The following TANC2 variants were observed in gnomAD, a reference collection of about 807,000 sequenced individuals.
The protein encoded by TANC2 is protein TANC2.
Under a neutral mutation model 210.5 loss-of-function variants are expected in TANC2, and 26 were observed. That is an observed-to-expected ratio of 0.12 (90% confidence interval 0.09 to 0.17). TANC2 has a LOEUF of 0.17. TANC2 is among the 10% of genes least tolerant of loss of function. The pLI is 1.00. For synonymous variants in TANC2, 931 were observed against 967.1 expected (o/e 0.96, Z 0.69); for missense variants, 2,129 against 2,608.9 (o/e 0.82, Z 4.01).
At chr17:63,105,204 T>TA (rs2037780174) in intron 4 of TANC2, among the ~76,000 whole-genome samples, 1 of 151,650 alleles carries the variant, frequency 6.6e-6, no homozygotes, top group Admixed American at 6.6e-5. Context: ...ATCTCTGGGA[T>TA]AAAAAATGGC....
intron 11 of TANC2, among the ~76,000 whole-genome samples, chr17:63,333,282 C>T (rs2045920333): frequency 6.6e-6 from 1 of 152,134 alleles, no homozygotes; most frequent in African/African-American, 2.4e-5. Flanking sequence ...ATCTATGATT[C>T]ATAGGAGGTC....
chr17:63,170,431 A>G (rs553626668), intron 5 of TANC2, among the ~76,000 whole-genome samples: 3 of 149,436 alleles, frequency 2.0e-5, no homozygotes, highest in African/African-American at 7.4e-5. Context: ...GCGAGATTCC[A>G]TTTAAAAAAA....
At chr17:63,329,056 A>G (rs879314914) in intron 11 of TANC2, among the ~76,000 whole-genome samples, 2 of 152,208 alleles carry the variant, frequency 1.3e-5, no homozygotes, top group Admixed American at 1.3e-4. Flanking sequence ...TTCTTGGAGC[A>G]TACTGAATGC....
At position 63,170,352 on chromosome 17, in the gene TANC2, G is replaced by A. The variant is rs184879322; in HGVS notation, c.433+18972G>A. The stretch of plus-strand genomic sequence containing the variant: ...CGGGAGGCTCAGGCAGGAGAATGGC[G>A]TGAACCCGGGAGGCAGAGCTTGCAG... On this transcript the variant is annotated intron_variant, in intron 5 of 27. Coordinates refer to ENST00000689528, the Ensembl canonical transcript of TANC2. 2.5e-4 allele frequency among the ~76,000 whole-genome samples: 38 copies of A among 150,894 alleles called. 1 individual carries two copies. The East Asian group carries it at 4.1e-3, about 16-fold the overall frequency.
At chr17:63,117,451 T>C (rs1054144402) in intron 4 of TANC2, among the ~76,000 whole-genome samples, 1 of 152,216 alleles carries the variant, frequency 6.6e-6, no homozygotes, top group Non-Finnish European at 1.5e-5. Flanking sequence ...CTTGAAATCA[T>C]TAGTTGTTCA....
At chr17:63,405,377 G>C in intron 20 of TANC2, 122 bp downstream of exon 20, 1 of 1,125,736 alleles carries the variant, frequency 8.9e-7, no homozygotes, top group South Asian at 2.3e-5. Context: ...TCAGGTTTGA[G>C]GACTTGGACC....
chr17:63,126,830 A>C (rs1399580002), intron 4 of TANC2, among the ~76,000 whole-genome samples: 1 of 152,188 alleles, frequency 6.6e-6, no homozygotes, highest in Non-Finnish European at 1.5e-5. Context: ...CACATGAGTC[A>C]CGTTCCTTTT....
intron 15 of TANC2, among the ~76,000 whole-genome samples, chr17:63,382,218 C>T (rs1180834821): frequency 1.3e-5 from 2 of 152,196 alleles, no homozygotes; most frequent in Non-Finnish European, 1.5e-5. Flanking sequence ...AGCCTCAGTG[C>T]GGTTCTCAGT....
intron 1 of TANC2, among the ~76,000 whole-genome samples, chr17:62,992,008 A>C (rs2032895230): frequency 2.0e-5 from 3 of 152,230 alleles, no homozygotes; most frequent in Admixed American, 6.5e-5. Context: ...AAAAATAAGT[A>C]GATAAATAAT....
chr17:63,005,899 TG>T (rs1354943237), intron 1 of TANC2, among the ~76,000 whole-genome samples: 5 of 27,696 alleles, frequency 1.8e-4, no homozygotes, highest in Non-Finnish European at 3.6e-4. Context: ...GTATAGTTTG[TG>T]TGTGTGTGTG....
chr17:63,014,180 T>C (rs2034005575), intron 2 of TANC2, among the ~76,000 whole-genome samples: 1 of 152,190 alleles, frequency 6.6e-6, no homozygotes, highest in Admixed American at 6.5e-5. Context: ...ATTGAATTTT[T>C]CAATTCCAAA....
chr17:63,185,740 C>T (rs994445016), intron 5 of TANC2, among the ~76,000 whole-genome samples: 1 of 152,182 alleles, frequency 6.6e-6, no homozygotes, highest in Non-Finnish European at 1.5e-5. Flanking sequence ...TTTTGATTTG[C>T]ATTTCCCAAT....
intron 7 of TANC2, among the ~76,000 whole-genome samples, chr17:63,215,072 A>G (rs1244169053): frequency 2.0e-5 from 3 of 152,246 alleles, no homozygotes; most frequent in Non-Finnish European, 4.4e-5. Flanking sequence ...AGAACAAAAA[A>G]TGTCAAAATA....
intron 5 of TANC2, among the ~76,000 whole-genome samples, chr17:63,158,148 A>G (rs2039901473): frequency 6.6e-6 from 1 of 152,200 alleles, no homozygotes; most frequent in Non-Finnish European, 1.5e-5. Context: ...GCTTGGGAAC[A>G]GAGAAGCTTG....
At chr17:63,030,570 C>G (rs2034728426) in intron 2 of TANC2, among the ~76,000 whole-genome samples, 1 of 152,020 alleles carries the variant, frequency 6.6e-6, no homozygotes, top group Non-Finnish European at 1.5e-5. Flanking sequence ...ACTTTCCAGA[C>G]AGACACCCCA....
At chr17:63,361,180 C>T (rs1021903787) in intron 14 of TANC2, among the ~76,000 whole-genome samples, 5 of 152,158 alleles carry the variant, frequency 3.3e-5, no homozygotes, top group Non-Finnish European at 5.9e-5. Flanking sequence ...ATTGCTGGAT[C>T]GTATGGTAGT....
At chr17:63,172,471 C>T (rs530788502) in intron 5 of TANC2, among the ~76,000 whole-genome samples, 3 of 152,020 alleles carry the variant, frequency 2.0e-5, no homozygotes, top group Admixed American at 6.6e-5. Flanking sequence ...TGTGAGCCAC[C>T]GCCCCCGGCC....
intron 11 of TANC2, chr17:63,332,097 A>C: frequency 2.9e-6 from 1 of 348,864 alleles, no homozygotes; most frequent in East Asian, 8.3e-5. Flanking sequence ...CTCCCCTGTT[A>C]CCGAGGTACC....
At chr17:63,411,439 C>G (rs1298951243) in intron 21 of TANC2, 72 bp from the exon 22 acceptor site, 14 of 1,449,484 alleles carry the variant, frequency 9.7e-6, no homozygotes, top group Non-Finnish European at 1.3e-5. Context: ...GAGCATGCCC[C>G]TTCAGCGTAC....
Sources: gnomAD v4.1 joint callset for allele counts (sites outside exome capture counted in the v4.1 genomes callset) on GRCh38, gnomAD v4.1.1 for gene constraint, MANE v1.5 for transcripts, NCBI Gene and HGNC (gene_info 2026-07-23, HGNC 2026-07-21) for gene names.